MYO9A: variants seen among roughly 807,000 people sequenced by gnomAD.
MYO9A encodes unconventional myosin-IXa.
A neutral mutation model predicts 293.3 loss-of-function variants in MYO9A; 103 were observed. That is an observed-to-expected ratio of 0.35 (90% confidence interval 0.30 to 0.41). MYO9A has a LOEUF of 0.41. Ranked by LOEUF, MYO9A falls within the 10% of genes least tolerant of loss-of-function variation. The pLI, the probability that MYO9A is intolerant of heterozygous loss-of-function variation, is 1.00. For synonymous variants in MYO9A, 1,001 were observed against 1,035.7 expected (o/e 0.97, Z 0.64); for missense variants, 2,685 against 3,033.0 (o/e 0.89, Z 2.69).
At chr15:71,849,585 A>G (rs1334954015) in intron 38 of MYO9A, among the ~76,000 whole-genome samples, 1 of 152,118 alleles carries the variant, frequency 6.6e-6, no homozygotes, top group Non-Finnish European at 1.5e-5. Context: ...ATATTTTTTA[A>G]AGTTCCTTTT....
At chr15:71,955,699 T>C (rs770918770) in intron 14 of MYO9A, among the ~76,000 whole-genome samples, 10 of 152,228 alleles carry the variant, frequency 6.6e-5, no homozygotes, top group Non-Finnish European at 1.3e-4. Context: ...ATTCACCTAC[T>C]AAACAATTCC....
intron 3 of MYO9A, among the ~76,000 whole-genome samples, chr15:72,028,248 T>A (rs1342523312): frequency 7.0e-6 from 1 of 142,656 alleles, no homozygotes; most frequent in Non-Finnish European, 1.5e-5. Context: ...TAAATATATA[T>A]ATGTACATAC....
At chr15:72,008,436 GGTGTGTGTGTGTGTGTGTGTGT>G (rs57267628) in intron 7 of MYO9A, among the ~76,000 whole-genome samples, 1 of 138,736 alleles carries the variant, frequency 7.2e-6, no homozygotes, top group Admixed American at 7.3e-5. Flanking sequence ...GAGGTAAATG[GGTGTGTGTGTGTGTGTGTGTGT>G]GTGTGTGTGT....
At chr15:71,946,003 T>C (rs1355795049) in intron 15 of MYO9A, among the ~76,000 whole-genome samples, 1 of 152,222 alleles carries the variant, frequency 6.6e-6, no homozygotes, top group African/African-American at 2.4e-5. Context: ...GCTTTCTTTT[T>C]ATATGGTTAA....
rs1188056672 is a variant in MYO9A, at chr15:72,046,478, G to A, written c.86C>T (p.Thr29Ile). The A allele has an allele frequency of 1.2e-6, 2 of 1,614,144 alleles. No individual in the cohort carries two copies. Among genetic ancestry groups the A allele is most frequent in the African/African-American group, 1.3e-5 (1 of 75,028 alleles). ...RIYPGAISEG[T>I]IYCPIPARKN... Reference sequence around the variant, plus strand: ...TCTGGCAGGAATCGGACAGTAGATTGTCCCTTCTGAAATAGCCCCAGGATA... The same window carrying A: ...TCTGGCAGGAATCGGACAGTAGATTATCCCTTCTGAAATAGCCCCAGGATA... Residue 29 changes from threonine to isoleucine, a missense_variant, in exon 2 of 42, where the codon ACA (threonine) becomes ATA (isoleucine). Coordinates refer to ENST00000356056, the MANE Select transcript of MYO9A (RefSeq NM_006901.4).
At chr15:72,108,919 C>T (rs527907850) in intron 1 of MYO9A, among the ~76,000 whole-genome samples, 3 of 151,972 alleles carry the variant, frequency 2.0e-5, no homozygotes, top group South Asian at 4.1e-4. Context: ...CCCACCACCA[C>T]GCCCAGCTAA....
chr15:71,868,803 G>C lies in MYO9A; in HGVS notation c.5980-6192C>G, dbSNP rs993073824. ...TACCACTAGAAGACAAAGGGGGTTGGAGTTAGACTTCTCAGTATATATATT... is the reference window on the plus strand; with the variant it reads ...TACCACTAGAAGACAAAGGGGGTTGCAGTTAGACTTCTCAGTATATATATT... On this transcript the variant is annotated intron_variant, in intron 32 of 41. Transcript: ENST00000356056. Among the ~76,000 whole-genome samples, 6 of 152,048 alleles carry C rather than the reference G, an allele frequency of 3.9e-5. No individual in the cohort carries two copies. The South Asian group carries it at 6.2e-4, about 16-fold the overall frequency.
rs965478961 is a variant in MYO9A, at chr15:71,956,836, T to C, written c.2182+3065A>G. ...ATATGCTATATATGCTATATATATA[T>C]ACACACACACACACACACACACAAA... On this transcript the variant is annotated intron_variant, in intron 14 of 41. Coordinates refer to ENST00000356056, the MANE Select transcript of MYO9A (RefSeq NM_006901.4). Among the ~76,000 whole-genome samples, 1,232 of 130,336 alleles carry C rather than the reference T, an allele frequency of 9.5e-3. 12 individuals are homozygous for C. The highest frequency in any genetic ancestry group is 0.012 in the Admixed American group (145 of 11,836). The allele number at this position is 130,336 out of a possible 152,430, so 85.5% of individuals were successfully genotyped here.
rs1295908673 is a variant in MYO9A, at chr15:71,822,610, T to G, written c.*3970A>C. The stretch of plus-strand genomic sequence containing the variant: ...TACAGTTTTTAAAAAAAATTTACAC[T>G]CAGCATACTTATAAATTACTTAAAA... On this transcript the variant is annotated 3_prime_UTR_variant, in exon 42 of 42. Transcript: ENST00000356056. The G allele has an allele frequency of 1.3e-5, 2 of 152,142 alleles. No individual in the cohort carries two copies. Among genetic ancestry groups the G allele is most frequent in the Non-Finnish European group, 2.9e-5 (2 of 68,030 alleles). The allele number at this position is 152,142 out of a possible 1,614,324, so 9.4% of individuals were successfully genotyped here.
intron 41 of MYO9A, among the ~76,000 whole-genome samples, chr15:71,827,295 AT>A (rs2054544230): frequency 6.6e-6 from 1 of 152,156 alleles, no homozygotes; most frequent in Non-Finnish European, 1.5e-5. Context: ...AGTCACTATC[AT>A]TTCAAAAACT....
At chr15:71,958,828 T>C (rs1173467150) in intron 14 of MYO9A, 1 of 152,218 alleles carries the variant, frequency 6.6e-6, no homozygotes, top group Non-Finnish European at 1.5e-5. Context: ...TCATTGCCGA[T>C]ATTGATAATA....
At chr15:71,998,743 A>C (rs992993481) in intron 9 of MYO9A, among the ~76,000 whole-genome samples, 3 of 150,776 alleles carry the variant, frequency 2.0e-5, no homozygotes, top group Non-Finnish European at 2.9e-5. Context: ...CCCACCGCAC[A>C]ACAGTCCCCA....
At chr15:72,031,330 T>A (rs570634650) in intron 3 of MYO9A, among the ~76,000 whole-genome samples, 1 of 151,686 alleles carries the variant, frequency 6.6e-6, no homozygotes, top group African/African-American at 2.4e-5. Context: ...TACCAAAAAA[T>A]ACAAAATTAG....
At chr15:71,895,442 C>G (rs907582125) in intron 25 of MYO9A, among the ~76,000 whole-genome samples, 3 of 152,296 alleles carry the variant, frequency 2.0e-5, no homozygotes, top group South Asian at 4.1e-4. Context: ...GTATTACTTT[C>G]TAATTATAAA....
intron 5 of MYO9A, 67 bp from the exon 6 acceptor site, chr15:72,019,162 T>C: frequency 7.5e-7 from 1 of 1,337,760 alleles, no homozygotes; most frequent in African/African-American, 1.4e-5. Flanking sequence ...ATCTCTTAGA[T>C]GTGGTGTGCA....
intron 18 of MYO9A, among the ~76,000 whole-genome samples, chr15:71,925,481 T>C (rs1191391532): frequency 6.6e-6 from 1 of 151,866 alleles, no homozygotes; most frequent in African/African-American, 2.4e-5. Context: ...CCTCTCTTAC[T>C]ATTTATCTGT....
intron 32 of MYO9A, among the ~76,000 whole-genome samples, chr15:71,867,798 T>TCTCACACACACACACACACA: frequency 7.8e-6 from 1 of 127,632 alleles, no homozygotes; most frequent in African/African-American, 3.0e-5. Flanking sequence ...TGGGAATCCA[T>TCTCACACACACACACACACA]CACACACACA....
intron 1 of MYO9A, among the ~76,000 whole-genome samples, chr15:72,103,399 G>A (rs1567044363): frequency 6.8e-6 from 1 of 146,798 alleles, no homozygotes; most frequent in Non-Finnish European, 1.5e-5. Flanking sequence ...AGCAGAAGCA[G>A]CAGCAAGCAG....
At position 72,027,776 on chromosome 15, in the gene MYO9A, T is replaced by A. The variant is rs763225037; in HGVS notation, c.953A>T (p.Tyr318Phe). ...AACGAGTCTGGACTTCTCCAGTAGA[T>A]ATTTTTCAACATAGGCACTACAAGA... Reference protein sequence around the residue: ...GTVLGAYVEKYLLEKSRLVYQ... With the variant: ...GTVLGAYVEKFLLEKSRLVYQ... The change falls in exon 4 of 42, where the codon TAT becomes TTT. Residue 318 changes from tyrosine (Y) to phenylalanine (F), a missense_variant. By Grantham distance (22) the Tyr-to-Phe change is conservative (BLOSUM62 3). Around this residue, in one of 10 missense-constraint regions of MYO9A, gnomAD observed 289 missense variants for 456.8 expected, o/e 0.63. Transcript: ENST00000356056. 5.9e-5 allele frequency: 95 copies of A among 1,608,614 alleles called. No homozygotes were observed. Among genetic ancestry groups the A allele is most frequent in the Non-Finnish European group, 8.0e-5 (94 of 1,177,978 alleles).
Sources: gnomAD v4.1 joint callset for allele counts (sites outside exome capture counted in the v4.1 genomes callset) on GRCh38, gnomAD v4.1.1 for gene constraint, gnomAD v4.1.1 regional missense constraint, MANE v1.5 for transcripts, NCBI Gene and HGNC (gene_info 2026-07-23, HGNC 2026-07-21) for gene names.